The following GLP2R variants were observed in gnomAD, a reference collection of about 807,000 sequenced individuals.
The protein encoded by GLP2R is glucagon-like peptide 2 receptor.
GLP2R carries 59 observed loss-of-function variants against 68.2 expected under a neutral mutation model. The observed-to-expected ratio is 0.87, with a 90% CI of 0.70 to 1.07. The LOEUF (loss-of-function observed/expected upper bound fraction) is 1.07, where lower values mean the gene tolerates loss of function less well. GLP2R is among the 50% of genes least tolerant of loss of function. GLP2R has a pLI of 0.00. For synonymous variants in GLP2R, 270 were observed against 265.4 expected (o/e 1.02, Z -0.17); for missense variants, 548 against 677.4 (o/e 0.81, Z 2.12).
intron 5 of GLP2R, among the ~76,000 whole-genome samples, chr17:9,855,138 T>C (rs1370425298): frequency 6.6e-6 from 1 of 152,128 alleles, no homozygotes; most frequent in Non-Finnish European, 1.5e-5. Context: ...GTGTGGATAA[T>C]GGGGGAACTA....
At chr17:9,851,231 C>T (rs1047767936) in intron 4 of GLP2R, among the ~76,000 whole-genome samples, 4 of 152,146 alleles carry the variant, frequency 2.6e-5, no homozygotes, top group Admixed American at 6.5e-5. Context: ...TCATGCTATT[C>T]GACCCAGTAA....
intron 9 of GLP2R, among the ~76,000 whole-genome samples, chr17:9,869,876 G>A (rs751367074): frequency 9.9e-5 from 15 of 152,202 alleles, no homozygotes; most frequent in Admixed American, 3.3e-4. Context: ...CTCACAAGGG[G>A]AATAAGGGGG....
chr17:9,838,907 G>A (rs571048347), intron 3 of GLP2R, among the ~76,000 whole-genome samples: 161 of 152,332 alleles, frequency 1.1e-3, no homozygotes, highest in Non-Finnish European at 1.9e-3. Context: ...CAGCTACTCC[G>A]GAGGCTGAGG....
rs2066701565 is a variant in GLP2R at position 9,833,697 on chromosome 17, G to A, written c.190-110G>A. 9 of 666,474 alleles carry A rather than the reference G, an allele frequency of 1.4e-5. No homozygotes were observed. In the South Asian group the frequency reaches 1.5e-4, roughly 11 times the overall value. The allele number at this position is 666,474 out of a possible 1,614,324, so 41.3% of individuals were successfully genotyped here. A position where few individuals can be genotyped will look rare whatever the true frequency, so the allele number is the denominator to read the frequency against. ...TGAAGAAATGCCATTTCTTTGCTGT[G>A]GGCCATTGTGGGCACTTCAGTGGGA... On this transcript the variant is annotated intron_variant, in intron 1 of 12. Transcript: ENST00000262441.
intron 1 of GLP2R, among the ~76,000 whole-genome samples, chr17:9,827,457 T>A (rs987398948): frequency 6.6e-6 from 1 of 152,156 alleles, no homozygotes; most frequent in African/African-American, 2.4e-5. Context: ...TGTAGATCCA[T>A]GGTATAATAT....
chr17:9,826,130 G>A lies in GLP2R; in HGVS notation c.67G>A (p.Glu23Lys), dbSNP rs199595070. 18 of 1,612,720 alleles carry A rather than the reference G, an allele frequency of 1.1e-5. No individual in the cohort carries two copies. The highest frequency in any genetic ancestry group is 2.7e-5 in the African/African-American group (2 of 75,028). ...GSAGLLPGVH[E>K]LPMGIPAPWG... The stretch of plus-strand genomic sequence containing the variant: ...CGCGGGACTCCTGCCTGGCGTCCAC[G>A]AGCTGCCCATGGGCATCCCTGCCCC... The change falls in exon 1 of 13, where the codon GAG (glutamate) becomes AAG (lysine). Residue 23 changes from glutamate (E) to lysine (K), a missense_variant. By Grantham distance (56) the Glu-to-Lys change is moderately conservative. Transcript: ENST00000262441.
intron 9 of GLP2R, chr17:9,865,716 A>C (rs2067029618): frequency 4.6e-6 from 2 of 435,594 alleles, no homozygotes; most frequent in African/African-American, 2.1e-5. Flanking sequence ...TCTATCCCCT[A>C]CCCTCCACCC....
rs114989303 is a variant in GLP2R at position 9,826,129 on chromosome 17, C to A, written c.66C>A (p.His22Gln). The A allele has an allele frequency of 6.2e-7, 1 of 1,612,696 alleles. No homozygotes were observed. Among genetic ancestry groups the A allele is most frequent in the South Asian group, 1.1e-5 (1 of 90,662 alleles). The change falls in exon 1 of 13, where the codon CAC becomes CAA. Residue 22 changes from histidine to glutamine, a missense_variant. His to Gln is a conservative substitution (Grantham distance 24, BLOSUM62 0). Transcript: ENST00000262441. The part of the protein sequence containing the change: ...RGSAGLLPGV[H>Q]ELPMGIPAPW... ...GCGCGGGACTCCTGCCTGGCGTCCA[C>A]GAGCTGCCCATGGGCATCCCTGCCC...
At chr17:9,860,426 A>G (rs905736436) in intron 7 of GLP2R, among the ~76,000 whole-genome samples, 1 of 152,176 alleles carries the variant, frequency 6.6e-6, no homozygotes, top group Non-Finnish European at 1.5e-5. Flanking sequence ...AGTTTAAATA[A>G]CAGACATTGA....
chr17:9,854,487 G>C lies in GLP2R; in HGVS notation c.505-8G>C. The C allele has an allele frequency of 1.3e-6, 2 of 1,559,168 alleles. No individual in the cohort carries two copies. The highest frequency in any genetic ancestry group is 1.8e-6 in the Non-Finnish European group (2 of 1,129,740). Reference sequence around the variant, plus strand: ...TAGTGGTCATGTCTGCTCTTCCTCTGTGTTCAGGTGGATCGTTATGCCTTG... The same window carrying C: ...TAGTGGTCATGTCTGCTCTTCCTCTCTGTTCAGGTGGATCGTTATGCCTTG... On this transcript the variant is annotated splice_region_variant and splice_polypyrimidine_tract_variant and intron_variant, in intron 4 of 12. Coordinates refer to ENST00000262441, the MANE Select transcript of GLP2R (RefSeq NM_004246.3).
chr17:9,884,993 C>T (rs7220852), intron 11 of GLP2R, among the ~76,000 whole-genome samples: 12 of 151,770 alleles, frequency 7.9e-5, no homozygotes, highest in East Asian at 3.9e-4. Context: ...ACCCAAGGCC[C>T]GGTAAAGACA....
intron 4 of GLP2R, among the ~76,000 whole-genome samples, chr17:9,847,968 A>T (rs1359970925): frequency 6.6e-6 from 1 of 152,218 alleles, no homozygotes; most frequent in Non-Finnish European, 1.5e-5. Context: ...TGCTCAACAT[A>T]GCAAGATTCC....
rs962921778 is a variant in GLP2R at position 9,829,896 on chromosome 17, G to T, written c.189+3644G>T. ...AAACAGATTTATTTAAAGAGAGTCA[G>T]TATAAGGATTTTTCTTTCCTTTTCC... On this transcript the variant is annotated intron_variant, in intron 1 of 12. Transcript: ENST00000262441. 5.5e-4 allele frequency among the ~76,000 whole-genome samples: 84 copies of T among 152,244 alleles called. 1 individual carries two copies. The highest frequency in any genetic ancestry group is 5.5e-3 in the Admixed American group (84 of 15,288).
intron 3 of GLP2R, among the ~76,000 whole-genome samples, chr17:9,839,333 A>G (rs2066762668): frequency 6.6e-6 from 1 of 152,142 alleles, no homozygotes; most frequent in Non-Finnish European, 1.5e-5. Context: ...CTTGTCATCA[A>G]TTGGAGTAGA....
intron 11 of GLP2R, among the ~76,000 whole-genome samples, chr17:9,883,571 T>A (rs1230607969): frequency 6.6e-6 from 1 of 151,994 alleles, no homozygotes; most frequent in African/African-American, 2.4e-5. Flanking sequence ...AGTCAAACAG[T>A]TGAAAGCCAA....
chr17:9,854,565 C>T lies in GLP2R; in HGVS notation c.575C>T (p.Ser192Phe), dbSNP rs1369156550. 3 of 1,611,036 alleles carry T rather than the reference C, an allele frequency of 1.9e-6. No homozygotes were observed. Among genetic ancestry groups the T allele is most frequent in the Non-Finnish European group, 2.5e-6 (3 of 1,177,270 alleles). The change falls in exon 5 of 13, where the codon TCC becomes TTC. Residue 192 changes from serine to phenylalanine, a missense_variant. By Grantham distance (155) the Ser-to-Phe change is radical. Coordinates refer to ENST00000262441, the MANE Select transcript of GLP2R (RefSeq NM_004246.3). Reference protein sequence around the residue: ...YTVGYSFSLISLFLALTLLLF... With the variant: ...YTVGYSFSLIFLFLALTLLLF... ...GTGGGATACTCCTTCTCTCTTATCTCCCTCTTCCTGGCTCTCACCCTCCTC... is the reference window on the plus strand; with the variant it reads ...GTGGGATACTCCTTCTCTCTTATCTTCCTCTTCCTGGCTCTCACCCTCCTC...
intron 6 of GLP2R, 95 bp from the exon 7 acceptor site, chr17:9,859,845 AAG>A: frequency 1.6e-5 from 10 of 638,004 alleles, no homozygotes; most frequent in South Asian, 1.2e-4. Flanking sequence ...AAAAAAAAAA[AAG>A]AGGGAGAGGT....
At chr17:9,829,668 T>C (rs551298393) in intron 1 of GLP2R, among the ~76,000 whole-genome samples, 1 of 152,244 alleles carries the variant, frequency 6.6e-6, no homozygotes, top group East Asian at 1.9e-4. Flanking sequence ...CATAAAAGGC[T>C]TTGAAACAAG....
chr17:9,880,490 A>G lies in GLP2R; in HGVS notation c.1258A>G (p.Ile420Val), dbSNP rs769438252. 4.4e-6 allele frequency: 7 copies of G among 1,605,872 alleles called. No individual in the cohort carries two copies. The South Asian group carries it at 7.8e-5, about 18-fold the overall frequency. Residue 420 changes from isoleucine to valine, a missense_variant, in exon 11 of 13, where the codon ATT (isoleucine) becomes GTT (valine). Coordinates refer to ENST00000262441, the MANE Select transcript of GLP2R (RefSeq NM_004246.3). ...ATTTGCAAAACTTATACGACTTTTC[A>G]TTCAGTTGACACTGAGCTCCTTTCA... Reference protein sequence around the residue: ...EGFAKLIRLFIQLTLSSFHGF... With the variant: ...EGFAKLIRLFVQLTLSSFHGF...
Sources: gnomAD v4.1 joint callset for allele counts (sites outside exome capture counted in the v4.1 genomes callset) on GRCh38, gnomAD v4.1.1 for gene constraint, MANE v1.5 for transcripts, NCBI Gene and HGNC (gene_info 2026-07-23, HGNC 2026-07-21) for gene names.